The following ABCD2 variants were observed in gnomAD, a reference collection of about 807,000 sequenced individuals.
The protein encoded by ABCD2 is ATP binding cassette subfamily D member 2.
A neutral mutation model predicts 70.9 loss-of-function variants in ABCD2; 36 were observed. The observed-to-expected ratio is 0.51, with a 90% CI of 0.39 to 0.67. ABCD2 has a LOEUF of 0.67. Ranked by LOEUF, ABCD2 falls within the 30% of genes least tolerant of loss-of-function variation. ABCD2 has a pLI of 0.00. For synonymous variants in ABCD2, 304 were observed against 306.9 expected (o/e 0.99, Z 0.10); for missense variants, 729 against 890.2 (o/e 0.82, Z 2.30).
Position 39,618,753 on chromosome 12 carries a change from C to G in ABCD2, c.863G>C (p.Arg288Thr), listed in dbSNP as rs1270880411. Residue 288 changes from arginine to threonine, a missense_variant, in exon 1 of 10, where the codon AGA becomes ACA. Arg to Thr is a moderately conservative substitution (Grantham distance 71, BLOSUM62 -1). Coordinates refer to ENST00000308666, the MANE Select transcript of ABCD2 (RefSeq NM_005164.4). ...FGKLVAEEAH[R>T]KGYLRYVHSR... Reference sequence around the variant, plus strand: ...GTGCACATACCGCAAATAGCCTTTTCTATGTGCTTCCTCTGCCACCAGTTT... The same window carrying G: ...GTGCACATACCGCAAATAGCCTTTTGTATGTGCTTCCTCTGCCACCAGTTT... 6.2e-7 allele frequency: 1 copy of G among 1,614,228 alleles called. No homozygotes were observed. Among genetic ancestry groups the G allele is most frequent in the East Asian group, 2.2e-5 (1 of 44,890 alleles).
chr12:39,607,592 C>T lies in ABCD2; in HGVS notation c.1236+7G>A. 1 of 1,565,484 alleles carries T rather than the reference C, an allele frequency of 6.4e-7. No homozygotes were observed. Among genetic ancestry groups the T allele is most frequent in the Non-Finnish European group, 8.7e-7 (1 of 1,149,456 alleles). On this transcript the variant is annotated splice_region_variant and intron_variant, in intron 3 of 9. Transcript: ENST00000308666. ...TTAATTGAATTGACAATAAGAAATG[C>T]AAGTACCTCTTTGTATGAAGACATA...
intron 6 of ABCD2, among the ~76,000 whole-genome samples, chr12:39,597,687 T>C (rs890783156): frequency 6.6e-6 from 1 of 152,228 alleles, no homozygotes; most frequent in East Asian, 1.9e-4. Flanking sequence ...AAGTATTACC[T>C]GAGCAATACT....
chr12:39,600,195 A>G (rs1479955705), intron 6 of ABCD2, among the ~76,000 whole-genome samples: 1 of 152,158 alleles, frequency 6.6e-6, no homozygotes, highest in Non-Finnish European at 1.5e-5. Context: ...ATATGAATGT[A>G]TGCAGCTTGA....
At chr12:39,544,381 A>G in the ABCD2 span, among the ~76,000 whole-genome samples, 56 of 152,172 alleles carry the variant, frequency 3.7e-4, no homozygotes, top group African/African-American at 1.2e-3. Flanking sequence ...TGACTCGTAA[A>G]CCATAATTTC....
chr12:39,561,206 G>A (rs1020914478), intron 9 of ABCD2, among the ~76,000 whole-genome samples: 1 of 150,960 alleles, frequency 6.6e-6, no homozygotes, highest in African/African-American at 2.4e-5. Flanking sequence ...GACCAGCCTG[G>A]CCAACATGGT....
the ABCD2 span, among the ~76,000 whole-genome samples, chr12:39,537,085 T>C: frequency 2.6e-5 from 4 of 151,942 alleles, no homozygotes; most frequent in African/African-American, 7.3e-5. Context: ...CTCACTCCAC[T>C]GGTGATCTCA....
At chr12:39,583,543 G>T (rs911113532) in intron 7 of ABCD2, among the ~76,000 whole-genome samples, 3 of 151,836 alleles carry the variant, frequency 2.0e-5, no homozygotes, top group Admixed American at 6.6e-5. Flanking sequence ...TTCAGGCTTG[G>T]GGGCACATGT....
chr12:39,568,514 A>C (rs1034800309), intron 9 of ABCD2, among the ~76,000 whole-genome samples: 109 of 152,060 alleles, frequency 7.2e-4, no homozygotes, highest in African/African-American at 2.2e-3. Flanking sequence ...TGGTTTTTCT[A>C]GCTAGCCATT....
chr12:39,619,215 C>G lies in ABCD2; in HGVS notation c.401G>C (p.Ser134Thr). The change falls in exon 1 of 10, where the codon AGC becomes ACC. Residue 134 changes from serine to threonine, a missense_variant. Coordinates refer to ENST00000308666, the MANE Select transcript of ABCD2 (RefSeq NM_005164.4). ...AGTCCGAGGCTTCTTTTCCACAATGCTTTTCACGATTTTTCCATCCAGACC... is the reference window on the plus strand; with the variant it reads ...AGTCCGAGGCTTCTTTTCCACAATGGTTTTCACGATTTTTCCATCCAGACC... ...VAGLDGKIVK[S>T]IVEKKPRTFI... 1 of 1,614,130 alleles carries G rather than the reference C, an allele frequency of 6.2e-7. No homozygotes were observed. The highest frequency in any genetic ancestry group is 8.5e-7 in the Non-Finnish European group (1 of 1,180,018).
intron 9 of ABCD2, among the ~76,000 whole-genome samples, chr12:39,565,020 T>C (rs1010096404): frequency 6.6e-6 from 1 of 152,238 alleles, no homozygotes; most frequent in African/African-American, 2.4e-5. Context: ...CATGCTGTTT[T>C]GTTTACTGTA....
chr12:39,569,468 G>A (rs1187958667), intron 9 of ABCD2, among the ~76,000 whole-genome samples: 2 of 152,204 alleles, frequency 1.3e-5, no homozygotes, highest in Non-Finnish European at 2.9e-5. Context: ...TGCTAGGACT[G>A]TTGGAAAAGC....
chr12:39,616,870 A>G (rs1252357502), intron 2 of ABCD2, 118 bp downstream of exon 2: 1 of 885,686 alleles, frequency 1.1e-6, no homozygotes, highest in African/African-American at 1.8e-5. Context: ...ATTGTTTCGG[A>G]CCATTGTTAA....
intron 9 of ABCD2, among the ~76,000 whole-genome samples, chr12:39,561,512 G>T (rs890955036): frequency 3.3e-5 from 5 of 151,762 alleles, no homozygotes; most frequent in African/African-American, 9.7e-5. Flanking sequence ...GAATGCAAAA[G>T]ATATTTTATC....
Position 39,568,694 on chromosome 12 carries a change from A to G in ABCD2, c.2003+5022T>C, listed in dbSNP as rs535945411. 3.3e-5 allele frequency among the ~76,000 whole-genome samples: 5 copies of G among 152,170 alleles called. No individual in the cohort carries two copies. In the East Asian group the frequency reaches 7.7e-4, roughly 24 times the overall value. ...AGGAGCTGCGTTCCTTTGGAGGAGGAGAGGTGCTCTGATTTTTAGAGTTTC... is the reference window on the plus strand; with the variant it reads ...AGGAGCTGCGTTCCTTTGGAGGAGGGGAGGTGCTCTGATTTTTAGAGTTTC... On this transcript the variant is annotated intron_variant, in intron 9 of 9. Transcript: ENST00000308666.
At chr12:39,536,911 T>C in the ABCD2 span, among the ~76,000 whole-genome samples, 281 of 152,320 alleles carry the variant, frequency 1.8e-3, 1 homozygote, top group African/African-American at 6.5e-3. Flanking sequence ...GATAAAGCTT[T>C]ATGTATATTG....
chr12:39,596,635 G>T (rs1941819623), intron 6 of ABCD2, among the ~76,000 whole-genome samples: 1 of 152,156 alleles, frequency 6.6e-6, no homozygotes, highest in African/African-American at 2.4e-5. Context: ...GTACACCATT[G>T]TGGGAAGCCT....
At chr12:39,583,171 C>A (rs563776036) in intron 7 of ABCD2, among the ~76,000 whole-genome samples, 1 of 152,222 alleles carries the variant, frequency 6.6e-6, no homozygotes, top group South Asian at 2.1e-4. Context: ...GCTACTAATT[C>A]TTGTGTACTC....
Position 39,619,000 on chromosome 12 carries a change from G to T in ABCD2, c.616C>A (p.Pro206Thr), listed in dbSNP as rs1041465961. The change falls in exon 1 of 10, where the codon CCT becomes ACT. Residue 206 changes from proline to threonine, a missense_variant. Coordinates refer to ENST00000308666, the MANE Select transcript of ABCD2 (RefSeq NM_005164.4). ...VINMDGRLAN[P>T]DQSLTEDIMM... is the part of the protein sequence containing the mutation. ...ATATCCTCCGTAAGAGATTGGTCAG[G>T]GTTTGCCAGCCTCCCATCCATATTG... 2 of 1,614,044 alleles carry T rather than the reference G, an allele frequency of 1.2e-6. No homozygotes were observed. The highest frequency in any genetic ancestry group is 2.7e-5 in the African/African-American group (2 of 74,914).
chr12:39,550,596 T>C lies in ABCD2; in HGVS notation c.*3316A>G, dbSNP rs1453628120. 6.6e-6 allele frequency: 1 copy of C among 151,752 alleles called. No individual in the cohort carries two copies. Among genetic ancestry groups the C allele is most frequent in the African/African-American group, 2.4e-5 (1 of 41,420 alleles). 9.4% of individuals were successfully genotyped at this position (151,752 alleles called of 1,614,324 possible). The stretch of plus-strand genomic sequence containing the variant: ...AATTGGTTTTTAAAAAAATATTTTA[T>C]ACATCCACCTGAAGGCGCTCATGTG... On this transcript the variant is annotated 3_prime_UTR_variant, in exon 10 of 10. Coordinates refer to ENST00000308666, the MANE Select transcript of ABCD2 (RefSeq NM_005164.4).
Sources: allele counts gnomAD v4.1 joint callset (sites outside exome capture counted in the v4.1 genomes callset), GRCh38; gene constraint gnomAD v4.1.1; transcripts MANE v1.5; gene names NCBI Gene and HGNC (gene_info 2026-07-23, HGNC 2026-07-21).